The following CDS2 variants were observed in gnomAD, a reference collection of about 807,000 sequenced individuals.
The protein encoded by CDS2 is phosphatidate cytidylyltransferase 2.
Under a neutral mutation model 59.0 loss-of-function variants are expected in CDS2, and 47 were observed. That is an observed-to-expected ratio of 0.80 (90% CI 0.63 to 1.02). The LOEUF (loss-of-function observed/expected upper bound fraction) is 1.02. Among genes scored for constraint, CDS2 ranks in the 50% least tolerant of loss-of-function variants. CDS2 has a pLI of 0.00. For synonymous variants in CDS2, 207 were observed against 206.4 expected, an observed-to-expected ratio of 1.00 and a Z score of -0.02; for missense variants, 356 against 558.9, an observed-to-expected ratio of 0.64 and a Z score of 3.66.
chr20:5,129,688 C>T (rs1199360432), intron 1 of CDS2, among the ~76,000 whole-genome samples: 4 of 152,006 alleles, frequency 2.6e-5, no homozygotes, highest in Non-Finnish European at 4.4e-5. Context: ...GTGATCCTCC[C>T]GCCTCAGCTT....
At position 5,135,006 on chromosome 20, in the gene CDS2, A is replaced by G. The variant is rs1035872295; in HGVS notation, c.57+7857A>G. 2.6e-5 allele frequency among the ~76,000 whole-genome samples: 4 copies of G among 152,218 alleles called. No individual in the cohort carries two copies. In the East Asian group the frequency reaches 5.8e-4, roughly 22 times the overall value. On this transcript the variant is annotated intron_variant, in intron 1 of 12. Coordinates refer to ENST00000460006, the MANE Select transcript of CDS2 (RefSeq NM_003818.4). ...CCCTCACTTTATTCTCAACCTTACA[A>G]CTGCCAGAAATTATATAATCTTGAA... is the stretch of plus-strand genomic sequence containing the variant.
At chr20:5,139,235 G>T (rs1189272336) in intron 1 of CDS2, among the ~76,000 whole-genome samples, 1 of 152,148 alleles carries the variant, frequency 6.6e-6, no homozygotes, top group Non-Finnish European at 1.5e-5. Flanking sequence ...CTAGCTACTT[G>T]GGTGGCTGAG....
chr20:5,166,079 G>A (rs1037244739), intron 1 of CDS2, among the ~76,000 whole-genome samples: 5 of 152,170 alleles, frequency 3.3e-5, no homozygotes, highest in African/African-American at 1.2e-4. Context: ...GAAGGTCCTC[G>A]TGTTGCAGTG....
intron 1 of CDS2, among the ~76,000 whole-genome samples, chr20:5,137,564 T>TG (rs2090658308): frequency 1.4e-5 from 1 of 71,064 alleles, no homozygotes; most frequent in African/African-American, 3.9e-5. Context: ...TTAAGTCTTA[T>TG]TTTTTCAAAA....
intron 2 of CDS2, among the ~76,000 whole-genome samples, chr20:5,174,398 G>C (rs2090978954): frequency 6.6e-6 from 1 of 152,168 alleles, no homozygotes; most frequent in Admixed American, 6.5e-5. Flanking sequence ...AAAGCGAAGT[G>C]TGTTGAGGAT....
intron 1 of CDS2, among the ~76,000 whole-genome samples, chr20:5,143,472 A>G (rs1199068198): frequency 6.6e-6 from 1 of 152,182 alleles, no homozygotes; most frequent in African/African-American, 2.4e-5. Flanking sequence ...GTATTCACTG[A>G]AAGTCAAGTT....
intron 1 of CDS2, among the ~76,000 whole-genome samples, chr20:5,140,236 G>C (rs1429696691): frequency 6.6e-6 from 1 of 152,162 alleles, no homozygotes; most frequent in Non-Finnish European, 1.5e-5. Context: ...GTTGTTTTAA[G>C]GTTTTTGCTA....
At chr20:5,144,215 C>T (rs2090720861) in intron 1 of CDS2, among the ~76,000 whole-genome samples, 1 of 152,172 alleles carries the variant, frequency 6.6e-6, no homozygotes, top group African/African-American at 2.4e-5. Flanking sequence ...ATATAATCTA[C>T]ATAAACAACT....
At chr20:5,171,528 G>A (rs187063704) in intron 1 of CDS2, among the ~76,000 whole-genome samples, 135 of 152,298 alleles carry the variant, frequency 8.9e-4, no homozygotes, top group African/African-American at 2.9e-3. Context: ...AATGATTACC[G>A]TAATATTACT....
At chr20:5,152,431 G>A (rs2090800124) in intron 1 of CDS2, among the ~76,000 whole-genome samples, 1 of 152,048 alleles carries the variant, frequency 6.6e-6, no homozygotes, top group Non-Finnish European at 1.5e-5. Context: ...GATACTCTTT[G>A]AACTGGCATA....
chr20:5,177,547 G>A (rs565463049), intron 4 of CDS2, among the ~76,000 whole-genome samples: 54 of 152,244 alleles, frequency 3.5e-4, no homozygotes, highest in African/African-American at 1.3e-3. Flanking sequence ...TTTATTGGCC[G>A]TAGTATTCTC....
Position 5,193,751 on chromosome 20 carries a change from T to C in CDS2, c.*3517T>C, listed in dbSNP as rs139496708. The C allele has an allele frequency of 7.9e-5, 12 of 152,178 alleles. No individual in the cohort carries two copies. Among genetic ancestry groups the C allele is most frequent in the African/African-American group, 2.9e-4 (12 of 41,508 alleles). 9.4% of individuals were successfully genotyped at this position (152,178 alleles called of 1,614,324 possible). A position where few individuals can be genotyped will look rare whatever the true frequency, so the allele number is the denominator to read the frequency against. ...TGCTCAGAAAACTGTGAAGCAGGGG[T>C]CTTGTTAGTTACAAAGCCAGTCCTA... On this transcript the variant is annotated 3_prime_UTR_variant, in exon 13 of 13. Coordinates refer to ENST00000460006, the MANE Select transcript of CDS2 (RefSeq NM_003818.4).
intron 1 of CDS2, among the ~76,000 whole-genome samples, chr20:5,135,805 G>T (rs1027839635): frequency 6.6e-6 from 1 of 152,190 alleles, no homozygotes; most frequent in African/African-American, 2.4e-5. Context: ...TGCAGAATTT[G>T]TAGGCAGCAA....
chr20:5,187,552 T>G (rs2091078624), intron 10 of CDS2: 1 of 152,214 alleles, frequency 6.6e-6, no homozygotes, highest in Non-Finnish European at 1.5e-5. Flanking sequence ...CAGACATTTT[T>G]CTTGAAAAGG....
chr20:5,180,734 A>G (rs2091027917), intron 5 of CDS2, among the ~76,000 whole-genome samples: 2 of 152,058 alleles, frequency 1.3e-5, no homozygotes, highest in South Asian at 4.1e-4. Context: ...CCCAGCTCCT[A>G]TTCAGGATGG....
At chr20:5,186,929 T>C (rs562763193) in intron 10 of CDS2, 90 bp downstream of exon 10, 1 of 1,459,578 alleles carries the variant, frequency 6.9e-7, no homozygotes, top group East Asian at 2.3e-5. Context: ...TGAAAAAAGC[T>C]AGCTTCCTCC....
At chr20:5,171,723 G>A (rs944317953) in intron 1 of CDS2, among the ~76,000 whole-genome samples, 11 of 152,118 alleles carry the variant, frequency 7.2e-5, no homozygotes, top group Admixed American at 1.3e-4. Context: ...TGGTTATGTC[G>A]CTTCAAGGAA....
intron 2 of CDS2, 104 bp downstream of exon 2, chr20:5,173,763 C>A (rs2123041107): frequency 7.4e-7 from 1 of 1,355,014 alleles, no homozygotes; most frequent in Non-Finnish European, 1.0e-6. Context: ...AGCAGGCCCG[C>A]TGTCTTGCCT....
intron 1 of CDS2, among the ~76,000 whole-genome samples, chr20:5,134,526 T>A (rs534553617): frequency 2.0e-5 from 3 of 152,322 alleles, no homozygotes; most frequent in Middle Eastern, 3.4e-3. Context: ...TTTATTTATC[T>A]ATTTATTTTT....
Sources: gnomAD v4.1 joint callset for allele counts (sites outside exome capture counted in the v4.1 genomes callset) on GRCh38, gnomAD v4.1.1 for gene constraint, MANE v1.5 for transcripts, NCBI Gene and HGNC (gene_info 2026-07-23, HGNC 2026-07-21) for gene names.